The following CES3 variants were observed in gnomAD, a reference collection of about 807,000 sequenced individuals.
The protein encoded by CES3 is carboxylesterase 3, also known as carboxylesterase 3 (brain).
A neutral mutation model predicts 57.6 loss-of-function variants in CES3; 49 were observed. The ratio of observed to expected loss-of-function variants is 0.85; its 90% CI spans 0.68 to 1.08. The LOEUF (loss-of-function observed/expected upper bound fraction) is 1.08. CES3 is among the 50% of genes least tolerant of loss of function. The pLI, the probability that CES3 is intolerant of heterozygous loss-of-function variation, is 0.00. For missense variants in CES3, 645 were observed against 742.0 expected, an observed-to-expected ratio of 0.87 and a Z score of 1.52; for synonymous variants, 266 against 281.6, an observed-to-expected ratio of 0.94 and a Z score of 0.55.
At chr16:66,972,829 G>C (rs745373925) in intron 12 of CES3, 25 bp from the exon 13 acceptor site, 23 of 1,613,818 alleles carry the variant, frequency 1.4e-5, no homozygotes, top group Non-Finnish European at 1.8e-5. Flanking sequence ...GGAAGCCTTG[G>C]TCCTCATTCA....
Position 66,963,883 on chromosome 16 carries a change from G to T in CES3, c.508G>T (p.Asp170Tyr), listed in dbSNP as rs1160658731. 1.2e-6 allele frequency: 2 copies of T among 1,614,198 alleles called. No individual in the cohort carries two copies. Among genetic ancestry groups the T allele is most frequent in the South Asian group, 1.1e-5 (1 of 91,084 alleles). Residue 170 changes from aspartate (D) to tyrosine (Y), a missense_variant, in exon 4 of 13, where the codon GAT becomes TAT. Coordinates refer to ENST00000303334, the MANE Select transcript of CES3 (RefSeq NM_024922.6). The surrounding 1 kb of genome is among the most constrained non-coding windows in gnomAD (Gnocchi z 4.9). Reference sequence around the variant, plus strand: ...TGGATCAGCTCTGGCTGCCTATGGGGATGTGGTCGTGGTTACAGTCCAGTA... The same window carrying T: ...TGGATCAGCTCTGGCTGCCTATGGGTATGTGGTCGTGGTTACAGTCCAGTA... Reference protein sequence around the residue: ...YDGSALAAYGDVVVVTVQYRL... With the variant: ...YDGSALAAYGYVVVVTVQYRL...
Position 66,972,367 on chromosome 16 carries a change from C to A in CES3, c.1303C>A (p.Pro435Thr), listed in dbSNP as rs1963848291. The change falls in exon 11 of 13, where the codon CCT becomes ACT. Residue 435 changes from proline (P) to threonine (T), a missense_variant. By Grantham distance (38) the Pro-to-Thr change is conservative. Transcript: ENST00000303334. ...FSRYLRDSGSPVFFYEFQHRP... is the reference protein window; with the variant it reads ...FSRYLRDSGSTVFFYEFQHRP... ...TCCTTTCTCTGTAGATTCTGGAAGCCCTGTCTTTTTCTATGAGTTCCAGCA... is the reference window on the plus strand; with the variant it reads ...TCCTTTCTCTGTAGATTCTGGAAGCACTGTCTTTTTCTATGAGTTCCAGCA... The A allele has an allele frequency of 6.2e-7, 1 of 1,601,058 alleles. No homozygotes were observed. The highest frequency in any genetic ancestry group is 1.1e-5 in the South Asian group (1 of 89,150).
chr16:66,972,421 C>G lies in CES3; in HGVS notation c.1357C>G (p.Pro453Ala), dbSNP rs1963850438. Residue 453 changes from proline (P) to alanine (A), a missense_variant, in exon 11 of 13, where the codon CCT becomes GCT. Pro to Ala is a conservative substitution (Grantham distance 27). Transcript: ENST00000303334. ...ACCCAGTTCTTTTGCGAAGATCAAA[C>G]CTGCCTGGGTGAAGGCTGATCATGG... ...HRPSSFAKIKPAWVKADHGAE... is the reference protein window; with the variant it reads ...HRPSSFAKIKAAWVKADHGAE... The G allele has an allele frequency of 3.7e-6, 6 of 1,613,938 alleles. No homozygotes were observed. Among genetic ancestry groups the G allele is most frequent in the Non-Finnish European group, 5.1e-6 (6 of 1,179,964 alleles).
At chr16:66,965,403 A>G (rs1963715169) in intron 6 of CES3, among the ~76,000 whole-genome samples, 1 of 152,178 alleles carries the variant, frequency 6.6e-6, no homozygotes, top group African/African-American at 2.4e-5. Context: ...GACAGGATGG[A>G]ATAGGGATAG....
In CES3 at chr16:66,971,162, C is replaced by T; in HGVS notation, c.1144-10C>T. 1.2e-6 allele frequency: 2 copies of T among 1,610,414 alleles called. No homozygotes were observed. The highest frequency in any genetic ancestry group is 1.7e-6 in the Non-Finnish European group (2 of 1,177,750). ...CCCTGAGCAGGGCTGAGCCTGGCCT[C>T]TTGCCCCAGGATGTGCCCCCTGAGA... On this transcript the variant is annotated splice_polypyrimidine_tract_variant and intron_variant, in intron 9 of 12. Coordinates refer to ENST00000303334, the MANE Select transcript of CES3 (RefSeq NM_024922.6).
intron 8 of CES3, 21 bp from the exon 9 acceptor site, chr16:66,969,658 A>C: frequency 6.2e-7 from 1 of 1,609,734 alleles, no homozygotes; most frequent in Non-Finnish European, 8.5e-7. Context: ...CTCCACTGAG[A>C]GGGCCTTGGT....
intron 1 of CES3, among the ~76,000 whole-genome samples, chr16:66,961,930 A>T (rs890103851): frequency 1.5e-4 from 23 of 152,182 alleles, no homozygotes; most frequent in African/African-American, 4.8e-4. Context: ...GCAGATATGC[A>T]AATGACTATC....
At chr16:66,964,788 C>G (rs1329285667) in intron 6 of CES3, 61 bp downstream of exon 6, 4 of 1,392,288 alleles carry the variant, frequency 2.9e-6, no homozygotes, top group Non-Finnish European at 2.0e-6. Context: ...TCTGTGCTGG[C>G]CCTGGGGTCT....
intron 6 of CES3, 117 bp from the exon 7 acceptor site, chr16:66,966,127 G>A (rs1279312939): frequency 2.0e-5 from 18 of 890,564 alleles, no homozygotes; most frequent in South Asian, 3.1e-5. Flanking sequence ...TCTCGAGGCC[G>A]ATCTGTGACA....
chr16:66,965,486 G>A (rs537961260), intron 6 of CES3, among the ~76,000 whole-genome samples: 1 of 152,330 alleles, frequency 6.6e-6, no homozygotes, highest in Admixed American at 6.5e-5. Context: ...CCTGGCCCCA[G>A]ATGGTGGCCA....
intron 8 of CES3, among the ~76,000 whole-genome samples, chr16:66,968,209 G>T (rs1241261347): frequency 6.6e-6 from 1 of 152,144 alleles, no homozygotes; most frequent in African/African-American, 2.4e-5. Flanking sequence ...GCCCAGGGTG[G>T]AGTGCAATGG....
rs1963913311 is a variant in CES3, at chr16:66,974,900, A to T, written c.*1851A>T. 1 of 152,130 alleles carries T rather than the reference A, an allele frequency of 6.6e-6. No homozygotes were observed. Among genetic ancestry groups the T allele is most frequent in the Non-Finnish European group, 1.5e-5 (1 of 68,060 alleles). The allele number at this position is 152,130 out of a possible 1,614,324, so 9.4% of individuals were successfully genotyped here. ...ACCTTTGTGTCCACACTCTGTATCT[A>T]GCTAATCTAGTGGGGATGTGGAGAA... On this transcript the variant is annotated 3_prime_UTR_variant, in exon 13 of 13. Transcript: ENST00000303334.
chr16:66,972,513 C>T lies in CES3; in HGVS notation c.1441+8C>T. On this transcript the variant is annotated splice_region_variant and intron_variant, in intron 11 of 12. Transcript: ENST00000303334. ...ACGAGAGCTCCCGCCTGGGTGAGGACAGACAGACAGACATGTGATCCCTAG... is the reference window on the plus strand; with the variant it reads ...ACGAGAGCTCCCGCCTGGGTGAGGATAGACAGACAGACATGTGATCCCTAG... 3 of 1,607,932 alleles carry T rather than the reference C, an allele frequency of 1.9e-6. No homozygotes were observed. Among genetic ancestry groups the T allele is most frequent in the Non-Finnish European group, 1.7e-6 (2 of 1,177,108 alleles).
At position 66,969,853 on chromosome 16, in the gene CES3, G is replaced by A. The variant is rs1389049307; in HGVS notation, c.1143+94G>A. 5 of 1,107,610 alleles carry A rather than the reference G, an allele frequency of 4.5e-6. No homozygotes were observed. In the African/African-American group the frequency reaches 4.7e-5, roughly 10 times the overall value. 68.6% of individuals were successfully genotyped at this position (1,107,610 alleles called of 1,614,324 possible). A position where few individuals can be genotyped will look rare whatever the true frequency, so the allele number is the denominator to read the frequency against. On this transcript the variant is annotated intron_variant, in intron 9 of 12. Coordinates refer to ENST00000303334, the MANE Select transcript of CES3 (RefSeq NM_024922.6). ...AGCACAGTCTCTGCCCCTACCTTCC[G>A]ACACCCACAGCTACCCACCTACCAC...
chr16:66,973,185 G>A lies in CES3; in HGVS notation c.*136G>A. The A allele has an allele frequency of 2.7e-6, 2 of 740,772 alleles. No individual in the cohort carries two copies. Among genetic ancestry groups the A allele is most frequent in the South Asian group, 3.7e-5 (2 of 53,564 alleles). 45.9% of individuals were successfully genotyped at this position (740,772 alleles called of 1,614,324 possible). ...TTAAAGTGTCGGCCGCTCTGTGACT[G>A]GAGTTATGCTCTTTTGAAATGTCAC... On this transcript the variant is annotated 3_prime_UTR_variant, in exon 13 of 13. Transcript: ENST00000303334.
intron 6 of CES3, among the ~76,000 whole-genome samples, chr16:66,965,991 C>T (rs567123732): frequency 4.1e-4 from 63 of 152,112 alleles, no homozygotes; most frequent in Non-Finnish European, 6.8e-4. Context: ...GCAATGAGGA[C>T]TCAGTGCCCC....
At position 66,963,587 on chromosome 16, in the gene CES3, C is replaced by T. The variant is rs757129442; in HGVS notation, c.384C>T (p.Asn128=). 1.7e-5 allele frequency: 27 copies of T among 1,614,098 alleles called. No individual in the cohort carries two copies. The highest frequency in any genetic ancestry group is 1.6e-4 in the Middle Eastern group (1 of 6,084). The change falls in exon 3 of 13, where the codon AAC becomes AAT. Residue 128 remains asparagine, a synonymous_variant. Transcript: ENST00000303334. This position sits in a 1 kb window ranked among gnomAD's most constrained non-coding sequence, Gnocchi z 4.9. ...FSVSEDCLVL[N]VYSPAEVPAG... ...TTTCAGAGGACTGCCTGGTCCTCAA[C>T]GTCTATAGCCCAGCTGAGGTCCCCG...
chr16:66,972,330 A>C, intron 10 of CES3, 26 bp from the exon 11 acceptor site: 1 of 1,550,856 alleles, frequency 6.4e-7, no homozygotes, highest in Non-Finnish European at 8.7e-7. Flanking sequence ...TGAGTGCCTA[A>C]CTCCCATCCC....
intron 4 of CES3, 149 bp downstream of exon 4, chr16:66,964,084 T>C: frequency 7.9e-7 from 1 of 1,269,662 alleles, no homozygotes; most frequent in South Asian, 1.5e-5. Context: ...CCCCCAAGCC[T>C]CCACCCTGGG....
Sources: gnomAD v4.1 joint callset for allele counts (sites outside exome capture counted in the v4.1 genomes callset) on GRCh38, gnomAD v4.1.1 for gene constraint, Gnocchi (gnomAD v3.1) non-coding constraint, MANE v1.5 for transcripts, NCBI Gene and HGNC (gene_info 2026-07-23, HGNC 2026-07-21) for gene names.